The following SH3BP4 variants were observed in gnomAD, a reference collection of about 807,000 sequenced individuals.
SH3BP4 encodes the protein SH3 domain-binding protein 4.
A neutral mutation model predicts 65.5 loss-of-function variants in SH3BP4; 33 were observed. The ratio of observed to expected loss-of-function variants is 0.50; its 90% CI spans 0.38 to 0.67. SH3BP4 has a LOEUF of 0.67. Ranked by LOEUF, SH3BP4 falls within the 30% of genes least tolerant of loss-of-function variation. The pLI is 0.00. For synonymous variants in SH3BP4, 552 were observed against 545.5 expected (o/e 1.01, Z -0.17); for missense variants, 1,134 against 1,261.4 (o/e 0.90, Z 1.53).
At chr2:235,008,721 GA>G (rs1236420539) in intron 2 of SH3BP4, 1 of 152,174 alleles carries the variant, frequency 6.6e-6, no homozygotes, top group Non-Finnish European at 1.5e-5. Context: ...GGCCTCTGGT[GA>G]ACTCATTCTC....
At chr2:235,000,629 C>T (rs1384677750) in intron 2 of SH3BP4, among the ~76,000 whole-genome samples, 1 of 152,188 alleles carries the variant, frequency 6.6e-6, no homozygotes, top group Non-Finnish European at 1.5e-5. Context: ...GTCCCCATTG[C>T]GTAGAGGTGG....
intron 2 of SH3BP4, among the ~76,000 whole-genome samples, chr2:234,999,163 C>T (rs1036638112): frequency 6.6e-6 from 1 of 152,214 alleles, no homozygotes; most frequent in Non-Finnish European, 1.5e-5. Context: ...GTGAGCTGCA[C>T]TCCCGGCGAC....
chr2:235,011,098 C>T (rs1232232479), intron 2 of SH3BP4, among the ~76,000 whole-genome samples: 1 of 149,364 alleles, frequency 6.7e-6, no homozygotes, highest in Non-Finnish European at 1.5e-5. Context: ...TAGAACCCTT[C>T]CTTACTCTCC....
intron 1 of SH3BP4, among the ~76,000 whole-genome samples, chr2:234,987,825 C>T (rs567197633): frequency 6.6e-6 from 1 of 152,124 alleles, no homozygotes; most frequent in African/African-American, 2.4e-5. Flanking sequence ...ATTAAAAATA[C>T]AAGGAAAAGC....
intron 3 of SH3BP4, among the ~76,000 whole-genome samples, chr2:235,036,017 C>A (rs1695366602): frequency 6.6e-6 from 1 of 152,214 alleles, no homozygotes; most frequent in Non-Finnish European, 1.5e-5. Flanking sequence ...ATCCTCGGCC[C>A]CAGCCTAAAG....
intron 1 of SH3BP4, among the ~76,000 whole-genome samples, chr2:234,958,267 T>TA (rs1028470650): frequency 1.3e-5 from 2 of 152,142 alleles, no homozygotes; most frequent in African/African-American, 4.8e-5. Context: ...TAATTACCAG[T>TA]AAAATTATTT....
chr2:235,042,194 A>C lies in SH3BP4; in HGVS notation c.1425A>C (p.Thr475=). Residue 475 remains threonine (T), a synonymous_variant, in exon 4 of 6, where the codon ACA becomes ACC. Transcript: ENST00000392011. The surrounding 1 kb of genome is among the most constrained non-coding windows in gnomAD (Gnocchi z 7.3). ...GGGACTTCATCAATAAAAAAGTCAC[A>C]GTGGGTCTCTACGGCCCTAAACACA... ...TVWDFINKKV[T]VGLYGPKHIH... The C allele has an allele frequency of 6.2e-7, 1 of 1,614,092 alleles. No homozygotes were observed. The highest frequency in any genetic ancestry group is 1.1e-5 in the South Asian group (1 of 91,082).
intron 1 of SH3BP4, among the ~76,000 whole-genome samples, chr2:234,985,592 G>C (rs4663176): frequency 6.6e-6 from 1 of 151,952 alleles, no homozygotes; most frequent in Admixed American, 6.6e-5. Context: ...GACTCTCCGC[G>C]CACAGGTATT....
intron 2 of SH3BP4, among the ~76,000 whole-genome samples, chr2:235,029,475 G>A (rs867548490): frequency 6.6e-6 from 1 of 152,172 alleles, no homozygotes; most frequent in African/African-American, 2.4e-5. Flanking sequence ...CTTTGAGGGG[G>A]CTCAGGCTGC....
In SH3BP4 at chr2:235,053,781, T is replaced by G; in HGVS notation, c.2857T>G (p.Phe953Val). ...NSLDVLRAAA[F>V]SPADQDDFVI ...CCTGGACGTTCTGAGAGCAGCCGCCTTCAGCCCTGCGGACCAGGACGACTT... is the reference window on the plus strand; with the variant it reads ...CCTGGACGTTCTGAGAGCAGCCGCCGTCAGCCCTGCGGACCAGGACGACTT... The change falls in exon 6 of 6, where the codon TTC becomes GTC. Residue 953 changes from phenylalanine to valine, a missense_variant. Phe to Val is a conservative substitution (Grantham distance 50, BLOSUM62 -1). Coordinates refer to ENST00000392011, the MANE Select transcript of SH3BP4 (RefSeq NM_014521.3). The G allele has an allele frequency of 6.2e-7, 1 of 1,614,210 alleles. No individual in the cohort carries two copies. The highest frequency in any genetic ancestry group is 8.5e-7 in the Non-Finnish European group (1 of 1,180,028).
chr2:235,047,233 GTATT>G (rs1407364075), intron 4 of SH3BP4, among the ~76,000 whole-genome samples: 4 of 152,200 alleles, frequency 2.6e-5, no homozygotes, highest in Non-Finnish European at 5.9e-5. Context: ...GGAGTCATGA[GTATT>G]TATGAAAGGA....
chr2:234,964,087 T>C lies in SH3BP4; in HGVS notation c.-207+11917T>C, dbSNP rs116705178. Reference sequence around the variant, plus strand: ...GCCTCCTCAGGTCTTGGCACCGCAGTATTTGTGAGTCATCCACCTATAGGT... The same window carrying C: ...GCCTCCTCAGGTCTTGGCACCGCAGCATTTGTGAGTCATCCACCTATAGGT... On this transcript the variant is annotated intron_variant, in intron 1 of 5. Transcript: ENST00000392011. Among the ~76,000 whole-genome samples the C allele has an allele frequency of 2.8e-3, 419 of 152,292 alleles. 1 individual carries two copies. Among genetic ancestry groups the C allele is most frequent in the African/African-American group, 9.4e-3 (392 of 41,558 alleles).
chr2:234,969,505 G>A (rs912801541), intron 1 of SH3BP4, among the ~76,000 whole-genome samples: 22 of 152,198 alleles, frequency 1.4e-4, no homozygotes, highest in Non-Finnish European at 1.3e-4. Context: ...CAGCAGACAC[G>A]CACAGGCTGC....
rs1049457439 is a variant in SH3BP4 at position 235,035,021 on chromosome 2, C to G, written c.19C>G (p.Arg7Gly). The G allele has an allele frequency of 1.9e-6, 3 of 1,613,886 alleles. No homozygotes were observed. The highest frequency in any genetic ancestry group is 2.5e-6 in the Non-Finnish European group (3 of 1,179,966). The change falls in exon 3 of 6, where the codon CGA becomes GGA. Residue 7 changes from arginine to glycine, a missense_variant. Physicochemically the swap from Arg to Gly is moderately radical, Grantham distance 125. Transcript: ENST00000392011. This position sits in a 1 kb window ranked among gnomAD's most constrained non-coding sequence, Gnocchi z 5.0. The part of the protein sequence containing the change: MAAQRI[R>G]AANSNGLPRC... ...TTTCGAGATGGCGGCTCAGCGGATC[C>G]GAGCGGCCAACTCCAATGGCCTCCC...
intron 1 of SH3BP4, among the ~76,000 whole-genome samples, chr2:234,972,438 T>A (rs952455561): frequency 6.6e-6 from 1 of 152,046 alleles, no homozygotes. Context: ...TCCCTTCAGT[T>A]TTTTTGTATT....
rs1031418112 is a variant in SH3BP4 at position 235,052,307 on chromosome 2, G to A, written c.2479-255G>A. Among the ~76,000 whole-genome samples, 1 of 152,112 alleles carries A rather than the reference G, an allele frequency of 6.6e-6. No individual in the cohort carries two copies. The highest frequency in any genetic ancestry group is 2.4e-5 in the African/African-American group (1 of 41,402). On this transcript the variant is annotated intron_variant, in intron 4 of 5. Transcript: ENST00000392011. The surrounding 1 kb of genome is among the most constrained non-coding windows in gnomAD (Gnocchi z 5.0). The stretch of plus-strand genomic sequence containing the variant: ...TGCAAAGACCCCATTTTCAAGTAAG[G>A]TCACGTTCTGAGGTTCTGGGTGGAT...
rs28403579 is a variant in SH3BP4 at position 235,052,880 on chromosome 2, C to T, written c.2667+130C>T. The T allele has an allele frequency of 0.18, 156,085 of 876,392 alleles. 14,980 individuals carry two copies. The highest frequency in any genetic ancestry group is 0.29 in the African/African-American group (17,117 of 59,486). The allele number at this position is 876,392 out of a possible 1,614,324, so 54.3% of individuals were successfully genotyped here. ...AGGGTGCAACAGGTGGAAATGTGCACGCATGTGCCCAGCACTGGGTGTGCC... is the reference window on the plus strand; with the variant it reads ...AGGGTGCAACAGGTGGAAATGTGCATGCATGTGCCCAGCACTGGGTGTGCC... On this transcript the variant is annotated intron_variant, in intron 5 of 5. Transcript: ENST00000392011. This position sits in a 1 kb window ranked among gnomAD's most constrained non-coding sequence, Gnocchi z 5.0.
intron 4 of SH3BP4, among the ~76,000 whole-genome samples, chr2:235,050,754 C>T (rs577749509): frequency 6.6e-6 from 1 of 151,938 alleles, no homozygotes; most frequent in Non-Finnish European, 1.5e-5. Context: ...GCAGCCCAGC[C>T]GACCGCATGA....
rs1166748205 is a variant in SH3BP4, at chr2:235,038,363, T to C, written c.119-2525T>C. 7.0e-3 allele frequency among the ~76,000 whole-genome samples: 251 copies of C among 35,806 alleles called. 12 individuals are homozygous for C. The highest frequency in any genetic ancestry group is 0.038 in the African/African-American group (237 of 6,244). 23.5% of individuals were successfully genotyped at this position (35,806 alleles called of 152,430 possible). Reference sequence around the variant, plus strand: ...AGTATATATATTTTATATATATATATATAATATATATACATATATATATAT... The same window carrying C: ...AGTATATATATTTTATATATATATACATAATATATATACATATATATATAT... On this transcript the variant is annotated intron_variant, in intron 3 of 5. Transcript: ENST00000392011.
Sources: gnomAD v4.1 joint callset for allele counts (sites outside exome capture counted in the v4.1 genomes callset) on GRCh38, gnomAD v4.1.1 for gene constraint, Gnocchi (gnomAD v3.1) non-coding constraint, MANE v1.5 for transcripts, NCBI Gene and HGNC (gene_info 2026-07-23, HGNC 2026-07-21) for gene names.